LARGE1: variants seen among roughly 807,000 people sequenced by gnomAD.
The protein encoded by LARGE1 is LARGE xylosyl- and glucuronyltransferase 1.
LARGE1 carries 43 observed loss-of-function variants against 87.6 expected under a neutral mutation model. That is an observed-to-expected ratio of 0.49 (90% CI 0.38 to 0.63). The LOEUF is 0.63. Among genes scored for constraint, LARGE1 ranks in the 30% least tolerant of loss-of-function variants. The pLI is 0.00. For missense variants in LARGE1, 802 were observed against 1,000.2 expected (o/e 0.80, Z 2.67); for synonymous variants, 434 against 394.6 (o/e 1.10, Z -1.18).
chr22:33,891,748 G>A (rs568941542), intron 1 of LARGE1, among the ~76,000 whole-genome samples: 35 of 152,284 alleles, frequency 2.3e-4, no homozygotes, highest in Admixed American at 1.2e-3. Flanking sequence ...ATTATCAAAC[G>A]GAGATGTTCT....
At chr22:33,628,507 G>C (rs779332391) in intron 3 of LARGE1, among the ~76,000 whole-genome samples, 2 of 151,936 alleles carry the variant, frequency 1.3e-5, no homozygotes, top group Non-Finnish European at 2.9e-5. Context: ...AGTAGAGCTG[G>C]TTTTTACCAT....
intron 3 of LARGE1, among the ~76,000 whole-genome samples, chr22:33,633,676 CTG>C (rs1226163085): frequency 6.6e-6 from 1 of 152,192 alleles, no homozygotes; most frequent in Non-Finnish European, 1.5e-5. Context: ...ATCAGACAGA[CTG>C]AGAGAGTGAG....
chr22:33,267,551 G>A (rs969412651), downstream of LARGE1, among the ~76,000 whole-genome samples: 2 of 151,562 alleles, frequency 1.3e-5, no homozygotes, highest in Non-Finnish European at 1.5e-5. Flanking sequence ...GACTGCAGAA[G>A]GCATCACTTA....
chr22:33,088,648 G>C, the LARGE1 span, among the ~76,000 whole-genome samples: 1 of 152,266 alleles, frequency 6.6e-6, no homozygotes, highest in African/African-American at 2.4e-5. Flanking sequence ...TAGCCAATCA[G>C]TTGCACACAA....
intron 6 of LARGE1, among the ~76,000 whole-genome samples, chr22:33,499,284 T>C (rs1394244737): frequency 1.3e-5 from 2 of 152,226 alleles, no homozygotes; most frequent in Non-Finnish European, 1.5e-5. Context: ...CCTACTCTCT[T>C]CTCTCATTTT....
intron 1 of LARGE1, among the ~76,000 whole-genome samples, chr22:33,762,905 C>T (rs577332039): frequency 3.8e-4 from 58 of 152,308 alleles, no homozygotes; most frequent in Non-Finnish European, 6.0e-4. Flanking sequence ...CCTAACAGAG[C>T]GGAACTCACC....
chr22:33,851,215 G>C (rs533467403), intron 1 of LARGE1, among the ~76,000 whole-genome samples: 1 of 152,220 alleles, frequency 6.6e-6, no homozygotes, highest in Non-Finnish European at 1.5e-5. Context: ...AATTGGACTT[G>C]TTAACAGCTC....
chr22:33,086,357 C>T, the LARGE1 span, among the ~76,000 whole-genome samples: 1 of 152,068 alleles, frequency 6.6e-6, no homozygotes, highest in African/African-American at 2.4e-5. Context: ...AGATTTTTGT[C>T]TTCTAAATTT....
At chr22:33,072,426 C>T in the LARGE1 span, among the ~76,000 whole-genome samples, 2 of 152,082 alleles carry the variant, frequency 1.3e-5, no homozygotes, top group Non-Finnish European at 2.9e-5. Context: ...TTGACTGGTT[C>T]ATGGCAAGGG....
At chr22:33,544,694 CACA>C (rs368374318) in intron 6 of LARGE1, among the ~76,000 whole-genome samples, 4 of 136,634 alleles carry the variant, frequency 2.9e-5, no homozygotes, top group African/African-American at 3.3e-5. Flanking sequence ...AAACAACAAC[CACA>C]ACAACAACAA....
At chr22:33,730,576 T>C (rs1362726260) in intron 2 of LARGE1, among the ~76,000 whole-genome samples, 5 of 152,228 alleles carry the variant, frequency 3.3e-5, no homozygotes, top group Non-Finnish European at 7.3e-5. Flanking sequence ...AAGGGTCAAC[T>C]GTAATATGAC....
chr22:33,701,697 G>A (rs944810379), intron 2 of LARGE1, among the ~76,000 whole-genome samples: 5 of 152,230 alleles, frequency 3.3e-5, no homozygotes, highest in African/African-American at 9.6e-5. Context: ...TGGATTCCCT[G>A]AAGTTCCATG....
chr22:33,466,290 G>A (rs1569188675), intron 6 of LARGE1, among the ~76,000 whole-genome samples: 1 of 151,824 alleles, frequency 6.6e-6, no homozygotes, highest in Non-Finnish European at 1.5e-5. Flanking sequence ...AGCTTTCCCT[G>A]CCCTGCCTTA....
chr22:33,639,204 C>T (rs538189989), intron 3 of LARGE1, among the ~76,000 whole-genome samples: 1 of 152,284 alleles, frequency 6.6e-6, no homozygotes, highest in South Asian at 2.1e-4. Flanking sequence ...CTCAAACTAG[C>T]CCATGCAGAG....
At chr22:33,442,993 C>T (rs984491368) in intron 6 of LARGE1, among the ~76,000 whole-genome samples, 1 of 151,992 alleles carries the variant, frequency 6.6e-6, no homozygotes, top group Admixed American at 6.5e-5. Flanking sequence ...AGGTTTTCAC[C>T]GTGTTAGCCA....
intron 11 of LARGE1, among the ~76,000 whole-genome samples, chr22:33,305,838 C>CTTT (rs200366425): frequency 0.097 from 12,010 of 124,442 alleles, 1,188 homozygotes; most frequent in African/African-American, 0.27. Context: ...ATTTCTTTTT[C>CTTT]TTTTTCTTTT....
At chr22:33,415,824 G>T (rs1005175781) in intron 7 of LARGE1, among the ~76,000 whole-genome samples, 27 of 152,122 alleles carry the variant, frequency 1.8e-4, no homozygotes, top group African/African-American at 6.3e-4. Context: ...GGAAGAGGAT[G>T]GTGGGTGAGG....
At chr22:33,415,689 C>A (rs1258465039) in intron 7 of LARGE1, among the ~76,000 whole-genome samples, 5 of 152,132 alleles carry the variant, frequency 3.3e-5, no homozygotes, top group Admixed American at 6.5e-5. Context: ...GAAGGCACTG[C>A]GATGACTTTA....
At chr22:33,532,829 G>A (rs188571251) in intron 6 of LARGE1, among the ~76,000 whole-genome samples, 21 of 152,246 alleles carry the variant, frequency 1.4e-4, no homozygotes, top group South Asian at 1.0e-3. Context: ...AGTGTTAGGC[G>A]CAACGGCCCT....
Sources: allele counts gnomAD v4.1 joint callset (sites outside exome capture counted in the v4.1 genomes callset), GRCh38; gene constraint gnomAD v4.1.1; transcripts MANE v1.5; gene names NCBI Gene and HGNC (gene_info 2026-07-23, HGNC 2026-07-21).